OR4E2: variants seen among roughly 807,000 people sequenced by gnomAD.
The protein encoded by OR4E2 is olfactory receptor family 4 subfamily E member 2.
OR4E2 carries 9 observed loss-of-function variants against 11.0 expected under a neutral mutation model. The ratio of observed to expected loss-of-function variants is 0.82; its 90% confidence interval spans 0.49 to 1.43. The LOEUF is 1.43. Among genes scored for constraint, OR4E2 ranks in the 40% most tolerant of loss-of-function variants. The pLI is 0.00. For synonymous variants in OR4E2, 159 were observed against 147.3 expected (o/e 1.08, Z -0.57); for missense variants, 441 against 382.0 (o/e 1.15, Z -1.29).
At chr14:21,655,386 C>A (rs1053588323) in intron 1 of OR4E2, among the ~76,000 whole-genome samples, 1 of 152,080 alleles carries the variant, frequency 6.6e-6, no homozygotes, top group Non-Finnish European at 1.5e-5. Context: ...ATTTTCTTAC[C>A]GGGCCCCATG....
intron 2 of OR4E2, among the ~76,000 whole-genome samples, chr14:21,657,549 G>A (rs1209005659): frequency 8.7e-6 from 1 of 115,220 alleles, no homozygotes; most frequent in South Asian, 2.7e-4. Context: ...TTCTTTTTCT[G>A]TCTGTCTCTC....
chr14:21,655,597 C>T (rs1879897275), intron 1 of OR4E2, among the ~76,000 whole-genome samples: 1 of 152,074 alleles, frequency 6.6e-6, no homozygotes, highest in African/African-American at 2.4e-5. Context: ...TGCTTGAGTC[C>T]AGGAGTTTGA....
At chr14:21,664,775 C>T (rs1880534567) in intron 3 of OR4E2, among the ~76,000 whole-genome samples, 1 of 152,106 alleles carries the variant, frequency 6.6e-6, no homozygotes, top group Non-Finnish European at 1.5e-5. Context: ...GTGAAAAGAG[C>T]CAAATAACTA....
chr14:21,665,891 T>C lies in OR4E2; in HGVS notation c.809T>C (p.Val270Ala). ...RPDTSFSIDK[V>A]VSVFYTVVTP... Reference sequence around the variant, plus strand: ...GACACCAGCTTCTCCATTGACAAGGTGGTGTCTGTCTTCTACACAGTGGTC... The same window carrying C: ...GACACCAGCTTCTCCATTGACAAGGCGGTGTCTGTCTTCTACACAGTGGTC... Residue 270 changes from valine to alanine, a missense_variant, in exon 4 of 4, where the codon GTG becomes GCG. Val to Ala is a moderately conservative substitution (Grantham distance 64). Transcript: ENST00000641524. 6.2e-7 allele frequency: 1 copy of C among 1,610,396 alleles called. No homozygotes were observed. Among genetic ancestry groups the C allele is most frequent in the Non-Finnish European group, 8.5e-7 (1 of 1,178,402 alleles).
intron 2 of OR4E2, among the ~76,000 whole-genome samples, chr14:21,660,206 C>T (rs868495071): frequency 1.3e-5 from 2 of 152,154 alleles, no homozygotes; most frequent in South Asian, 2.1e-4. Context: ...ATCTAGATCC[C>T]TCACATGTGC....
chr14:21,654,809 G>C (rs747824028), intron 1 of OR4E2, among the ~76,000 whole-genome samples: 16 of 152,080 alleles, frequency 1.1e-4, no homozygotes, highest in Non-Finnish European at 1.9e-4. Flanking sequence ...ACTGTGGATT[G>C]TGGGTTTGGA....
chr14:21,664,307 T>C (rs557768707), intron 3 of OR4E2, among the ~76,000 whole-genome samples: 51 of 152,338 alleles, frequency 3.3e-4, no homozygotes, highest in Admixed American at 2.0e-3. Context: ...GCCAATGGTA[T>C]CTCATTGTGG....
chr14:21,656,088 A>G (rs1241113663), intron 1 of OR4E2, among the ~76,000 whole-genome samples: 1 of 151,940 alleles, frequency 6.6e-6, no homozygotes, highest in African/African-American at 2.4e-5. Context: ...GACCAACCAG[A>G]GCAACATAGC....
chr14:21,656,436 T>A (rs1220007197), intron 1 of OR4E2, 66 bp from the exon 2 acceptor site: 1 of 151,862 alleles, frequency 6.6e-6, no homozygotes, highest in Non-Finnish European at 1.5e-5. Context: ...CAGTTACTAA[T>A]ATCCAAATCA....
chr14:21,656,155 A>G (rs1879936077), intron 1 of OR4E2, among the ~76,000 whole-genome samples: 1 of 148,850 alleles, frequency 6.7e-6, no homozygotes, highest in Non-Finnish European at 1.5e-5. Context: ...AAAACAAGAA[A>G]CACAACAAAA....
chr14:21,661,125 A>G (rs577450757), intron 3 of OR4E2, among the ~76,000 whole-genome samples: 1 of 152,328 alleles, frequency 6.6e-6, no homozygotes, highest in South Asian at 2.1e-4. Flanking sequence ...TTGAACAATT[A>G]TGAATTATAA....
intron 3 of OR4E2, among the ~76,000 whole-genome samples, chr14:21,663,894 G>A (rs960185905): frequency 1.3e-5 from 2 of 152,106 alleles, no homozygotes; most frequent in Non-Finnish European, 1.5e-5. Context: ...GAGGATAATG[G>A]CTTCCAAGTC....
intron 1 of OR4E2, among the ~76,000 whole-genome samples, chr14:21,654,344 C>G (rs1287741941): frequency 6.6e-6 from 1 of 151,490 alleles, no homozygotes; most frequent in African/African-American, 2.4e-5. Flanking sequence ...GAAGCAGAAC[C>G]AAAGGTTTTA....
At chr14:21,663,489 T>A (rs12889035) in intron 3 of OR4E2, among the ~76,000 whole-genome samples, 30 of 86,798 alleles carry the variant, frequency 3.5e-4, no homozygotes, top group East Asian at 1.2e-3. Flanking sequence ...CGAAAAAAAT[T>A]TTTTTTTTTT....
intron 2 of OR4E2, among the ~76,000 whole-genome samples, chr14:21,657,401 C>T (rs13353123): frequency 0.012 from 1,478 of 126,418 alleles, 22 homozygotes; most frequent in Non-Finnish European, 0.016. Flanking sequence ...TTTCTTCCTT[C>T]CTTCCTTTCT....
intron 3 of OR4E2, among the ~76,000 whole-genome samples, chr14:21,664,444 T>C (rs1277976811): frequency 6.6e-6 from 1 of 152,178 alleles, no homozygotes; most frequent in Non-Finnish European, 1.5e-5. Context: ...GAGTTGTTTG[T>C]ATATTAATAG....
chr14:21,662,479 T>C (rs1880383718), intron 3 of OR4E2, among the ~76,000 whole-genome samples: 1 of 152,042 alleles, frequency 6.6e-6, no homozygotes, highest in Non-Finnish European at 1.5e-5. Context: ...TTTTTGTATT[T>C]TTAGTAAAGA....
chr14:21,657,641 A>T (rs1880084200), intron 2 of OR4E2, among the ~76,000 whole-genome samples: 1 of 142,960 alleles, frequency 7.0e-6, no homozygotes, highest in Non-Finnish European at 1.5e-5. Context: ...CCCAGGCTGG[A>T]GCTCGGTGGC....
intron 2 of OR4E2, among the ~76,000 whole-genome samples, chr14:21,658,112 A>G (rs1295452045): frequency 1.3e-5 from 2 of 152,344 alleles, no homozygotes; most frequent in African/African-American, 2.4e-5. Context: ...AGTTAATCCA[A>G]CTCAGCTCTC....
Sources: allele counts gnomAD v4.1 joint callset (sites outside exome capture counted in the v4.1 genomes callset), GRCh38; gene constraint gnomAD v4.1.1; transcripts MANE v1.5; gene names NCBI Gene and HGNC (gene_info 2026-07-23, HGNC 2026-07-21).